Variants in EEF1AKMT3 observed in about 807,000 individuals in gnomAD.
The protein encoded by EEF1AKMT3 is eEF1A-KMT3.
Under a neutral mutation model 17.8 loss-of-function variants are expected in EEF1AKMT3, and 17 were observed. The observed-to-expected ratio is 0.96, with a 90% CI of 0.65 to 1.43. The LOEUF (loss-of-function observed/expected upper bound fraction) is 1.43. Among genes scored for constraint, EEF1AKMT3 ranks in the 40% most tolerant of loss-of-function variants. The pLI, the probability that EEF1AKMT3 is intolerant of heterozygous loss-of-function variation, is 0.00. For synonymous variants in EEF1AKMT3, 116 were observed against 126.5 expected, an observed-to-expected ratio of 0.92 and a Z score of 0.56; for missense variants, 244 against 285.8, an observed-to-expected ratio of 0.85 and a Z score of 1.06.
chr12:57,775,173 A>C (rs941974006), intron 2 of EEF1AKMT3, among the ~76,000 whole-genome samples: 1 of 150,462 alleles, frequency 6.6e-6, no homozygotes, highest in East Asian at 2.0e-4. Flanking sequence ...TGCATGAAGC[A>C]TGGGTGGATG....
chr12:57,772,779 G>A lies in EEF1AKMT3; in HGVS notation c.55G>A (p.Glu19Lys), dbSNP rs763538821. 8 of 1,614,080 alleles carry A rather than the reference G, an allele frequency of 5.0e-6. No homozygotes were observed. The highest frequency in any genetic ancestry group is 1.1e-5 in the South Asian group (1 of 91,096). The change falls in exon 1 of 3, where the codon GAG (glutamate) becomes AAG (lysine). Residue 19 changes from glutamate to lysine, a missense_variant. Coordinates refer to ENST00000300209, the MANE Select transcript of EEF1AKMT3 (RefSeq NM_015433.3). This position sits in a 1 kb window ranked among gnomAD's most constrained non-coding sequence, Gnocchi z 4.1. Reference protein sequence around the residue: ...ESESESVFPREVGLFADSYSE... With the variant: ...ESESESVFPRKVGLFADSYSE... ...TGAGTCGGAATCGGTGTTCCCGCGG[G>A]AGGTCGGGCTCTTTGCAGACTCTTA...
At chr12:57,774,708 A>T (rs200212599) in intron 2 of EEF1AKMT3, 70 of 1,613,110 alleles carry the variant, frequency 4.3e-5, no homozygotes, top group Non-Finnish European at 5.8e-5. Context: ...GAGCCTGTGG[A>T]CATGCTCTAT....
rs560323880 is a variant in EEF1AKMT3, at chr12:57,773,018, C to T, written c.179C>T (p.Ala60Val). Residue 60 changes from alanine (A) to valine (V), a missense_variant and splice_region_variant, in exon 2 of 3, where the codon GCC (alanine) becomes GTC (valine). Transcript: ENST00000300209. ...TTTTCTCTGTCTTTTCTCCCGTAGG[C>T]CCTGAGCCTGTGCAATTATTTCGAG... ...LGVAARVWDA[A>V]LSLCNYFESQ... is the part of the protein sequence containing the mutation. The T allele has an allele frequency of 1.9e-6, 3 of 1,614,178 alleles. No individual in the cohort carries two copies. The highest frequency in any genetic ancestry group is 4.5e-5 in the East Asian group (2 of 44,880).
intron 2 of EEF1AKMT3, among the ~76,000 whole-genome samples, chr12:57,773,413 T>C (rs12423195): frequency 1.6e-4 from 18 of 110,872 alleles, no homozygotes; most frequent in South Asian, 4.2e-4. Context: ...TCGTGTTGCT[T>C]TTTTTTTGTT....
At chr12:57,777,670 C>T (rs961085766) in intron 2 of EEF1AKMT3, among the ~76,000 whole-genome samples, 22 of 152,268 alleles carry the variant, frequency 1.4e-4, no homozygotes, top group East Asian at 1.9e-4. Context: ...GTCCTTTGAT[C>T]CCCTCCTTTT....
At chr12:57,776,379 A>G (rs1348185619) in intron 2 of EEF1AKMT3, among the ~76,000 whole-genome samples, 1 of 152,206 alleles carries the variant, frequency 6.6e-6, no homozygotes, top group East Asian at 1.9e-4. Context: ...TTCGAAGGGA[A>G]GGCCTCCTTG....
In EEF1AKMT3 at chr12:57,772,889, C is replaced by G. The variant is rs986649840; in HGVS notation, c.165C>G (p.Arg55=). Residue 55 remains arginine (R), a synonymous_variant, in exon 1 of 3, where the codon CGC becomes CGG. Transcript: ENST00000300209. The surrounding 1 kb of genome is among the most constrained non-coding windows in gnomAD (Gnocchi z 4.1). ...NFGSRLGVAA[R]VWDAALSLCN... ...GGTCCCGCCTCGGGGTGGCGGCGCG[C>G]GTGTGGGACGCGGTGAGGAATGGGC... 5.0e-6 allele frequency: 8 copies of G among 1,613,848 alleles called. No individual in the cohort carries two copies. The highest frequency in any genetic ancestry group is 5.9e-6 in the Non-Finnish European group (7 of 1,179,902).
At chr12:57,778,209 C>T (rs972218522) in intron 2 of EEF1AKMT3, among the ~76,000 whole-genome samples, 2 of 150,582 alleles carry the variant, frequency 1.3e-5, no homozygotes, top group East Asian at 3.9e-4. Context: ...GTCCAAATTG[C>T]GCCTCCTGCA....
At chr12:57,775,522 C>T (rs1379870608) in intron 2 of EEF1AKMT3, among the ~76,000 whole-genome samples, 2 of 152,144 alleles carry the variant, frequency 1.3e-5, no homozygotes, top group Admixed American at 6.5e-5. Flanking sequence ...GCTGGGATTA[C>T]AGATGTCTGC....
chr12:57,776,453 A>G (rs564812337), intron 2 of EEF1AKMT3, among the ~76,000 whole-genome samples: 1 of 152,256 alleles, frequency 6.6e-6, no homozygotes, highest in African/African-American at 2.4e-5. Context: ...TAACTGGGCT[A>G]ATTTTAACTT....
chr12:57,777,875 C>T (rs903146505), intron 2 of EEF1AKMT3, among the ~76,000 whole-genome samples: 44 of 152,032 alleles, frequency 2.9e-4, no homozygotes, highest in Admixed American at 7.9e-4. Flanking sequence ...CAAAATTAGC[C>T]GGGCGTGGTG....
chr12:57,773,267 T>A (rs1041276458), intron 2 of EEF1AKMT3, 139 bp downstream of exon 2: 2 of 793,012 alleles, frequency 2.5e-6, no homozygotes, highest in Admixed American at 5.9e-5. Context: ...TTTTTTAAAA[T>A]TTGTTTTTGT....
chr12:57,775,506 C>G (rs974797608), intron 2 of EEF1AKMT3, among the ~76,000 whole-genome samples: 1 of 152,080 alleles, frequency 6.6e-6, no homozygotes, highest in Non-Finnish European at 1.5e-5. Flanking sequence ...CTCAGCCTCC[C>G]GAGTAGCTGG....
At chr12:57,776,081 A>G (rs78357384) in intron 2 of EEF1AKMT3, among the ~76,000 whole-genome samples, 6 of 152,286 alleles carry the variant, frequency 3.9e-5, no homozygotes, top group Non-Finnish European at 8.8e-5. Flanking sequence ...TGATCTTTTC[A>G]AAATAAAACT....
intron 2 of EEF1AKMT3, among the ~76,000 whole-genome samples, chr12:57,778,415 C>G (rs1297068450): frequency 1.3e-5 from 2 of 151,370 alleles, no homozygotes; most frequent in African/African-American, 2.4e-5. Context: ...ATCCTCTGAC[C>G]TCAGCCTCCC....
rs963950483 is a variant in EEF1AKMT3, at chr12:57,773,256, T to G, written c.289+128T>G. 5 of 884,030 alleles carry G rather than the reference T, an allele frequency of 5.7e-6. No homozygotes were observed. In the African/African-American group the frequency reaches 8.5e-5, roughly 15 times the overall value. 54.8% of individuals were successfully genotyped at this position (884,030 alleles called of 1,614,324 possible). A position where few individuals can be genotyped will look rare whatever the true frequency, so the allele number is the denominator to read the frequency against. Reference sequence around the variant, plus strand: ...TCTAACCCCTTCTTTTTAACAAATTTTTTTTTAAAATTTGTTTTTGTTTTT... The same window carrying G: ...TCTAACCCCTTCTTTTTAACAAATTGTTTTTTAAAATTTGTTTTTGTTTTT... On this transcript the variant is annotated intron_variant, in intron 2 of 2. Coordinates refer to ENST00000300209, the MANE Select transcript of EEF1AKMT3 (RefSeq NM_015433.3).
rs749982625 is a variant in EEF1AKMT3 at position 57,780,475 on chromosome 12, C to G, written c.510C>G (p.Cys170Trp). 1.2e-6 allele frequency: 2 copies of G among 1,614,102 alleles called. No individual in the cohort carries two copies. The highest frequency in any genetic ancestry group is 1.3e-5 in the African/African-American group (1 of 74,940). Residue 170 changes from cysteine to tryptophan, a missense_variant, in exon 3 of 3, where the codon TGC becomes TGG. Physicochemically the swap from Cys to Trp is radical, Grantham distance 215. Transcript: ENST00000300209. Reference sequence around the variant, plus strand: ...TGCTGGGGACCCTCCAACACCTGTGCAGGCCCCATGGCACCATCTATCTGG... The same window carrying G: ...TGCTGGGGACCCTCCAACACCTGTGGAGGCCCCATGGCACCATCTATCTGG... Reference protein sequence around the residue: ...PLLLGTLQHLCRPHGTIYLAS... With the variant: ...PLLLGTLQHLWRPHGTIYLAS...
At position 57,773,017 on chromosome 12, in the gene EEF1AKMT3, G is replaced by A; in HGVS notation, c.178G>A (p.Ala60Thr). The change falls in exon 2 of 3, where the codon GCC becomes ACC. Residue 60 changes from alanine (A) to threonine (T), a missense_variant and splice_region_variant. Ala to Thr is a moderately conservative substitution (Grantham distance 58, BLOSUM62 0). Coordinates refer to ENST00000300209, the MANE Select transcript of EEF1AKMT3 (RefSeq NM_015433.3). ...LGVAARVWDA[A>T]LSLCNYFESQ... ...TTTTTCTCTGTCTTTTCTCCCGTAG[G>A]CCCTGAGCCTGTGCAATTATTTCGA... The A allele has an allele frequency of 6.2e-7, 1 of 1,614,156 alleles. No individual in the cohort carries two copies. The highest frequency in any genetic ancestry group is 8.5e-7 in the Non-Finnish European group (1 of 1,180,018).
At chr12:57,778,307 T>TTTTTTTTTTTTTTTTTCTTTTTTC (rs536788916) in intron 2 of EEF1AKMT3, among the ~76,000 whole-genome samples, 1 of 105,314 alleles carries the variant, frequency 9.5e-6, no homozygotes, top group Non-Finnish European at 2.0e-5. Flanking sequence ...TTTTTTTTTT[T>TTTTTTTTTTTTTTTTTCTTTTTTC]TGAGACAGGT....
Sources: gnomAD v4.1 joint callset for allele counts (sites outside exome capture counted in the v4.1 genomes callset) on GRCh38, gnomAD v4.1.1 for gene constraint, Gnocchi (gnomAD v3.1) non-coding constraint, MANE v1.5 for transcripts, NCBI Gene and HGNC (gene_info 2026-07-23, HGNC 2026-07-21) for gene names.